HECTD2: variants seen among roughly 807,000 people sequenced by gnomAD.
The protein encoded by HECTD2 is HECT domain E3 ubiquitin protein ligase 2.
Under a neutral mutation model 103.2 loss-of-function variants are expected in HECTD2, and 35 were observed. The observed-to-expected ratio is 0.34, with a 90% confidence interval of 0.26 to 0.45. The LOEUF is 0.45. HECTD2 is among the 20% of genes least tolerant of loss of function. The pLI is 1.00. For synonymous variants in HECTD2, 281 were observed against 329.9 expected, an observed-to-expected ratio of 0.85 and a Z score of 1.61; for missense variants, 596 against 937.4, an observed-to-expected ratio of 0.64 and a Z score of 4.76.
intron 5 of HECTD2, among the ~76,000 whole-genome samples, chr10:91,476,319 A>G (rs1198835441): frequency 6.6e-6 from 1 of 152,192 alleles, no homozygotes. Flanking sequence ...GGTGCATCTG[A>G]GACCTAGAAA....
rs200118662 is a variant in HECTD2 at position 91,501,132 on chromosome 10, A to ACTTT, written c.2067-58_2067-55dup. The stretch of plus-strand genomic sequence containing the variant: ...CTTTCCTTAGAGCTTCCTTTATATT[A>ACTTT]CTTTATTATAGGATTTTTGTCAAGA... On this transcript the variant is annotated intron_variant, in intron 19 of 20. Transcript: ENST00000298068. The ACTTT allele has an allele frequency of 1.9e-3, 2,767 of 1,424,288 alleles. 54 individuals carry two copies. In the African/African-American group the frequency reaches 0.036, roughly 19 times the overall value. 88.2% of individuals were successfully genotyped at this position (1,424,288 alleles called of 1,614,324 possible). A position where few individuals can be genotyped will look rare whatever the true frequency, so the allele number is the denominator to read the frequency against.
chr10:91,457,195 C>G (rs918866817), intron 2 of HECTD2, among the ~76,000 whole-genome samples: 2 of 152,004 alleles, frequency 1.3e-5, no homozygotes, highest in Non-Finnish European at 2.9e-5. Context: ...GGAATATTCA[C>G]GTCCGGATGG....
chr10:91,426,369 T>A (rs755764457), intron 2 of HECTD2, among the ~76,000 whole-genome samples: 1 of 152,034 alleles, frequency 6.6e-6, no homozygotes, highest in Non-Finnish European at 1.5e-5. Flanking sequence ...CCTAGAAATA[T>A]TTAAGGACAT....
intron 1 of HECTD2, among the ~76,000 whole-genome samples, chr10:91,423,895 A>ATT (rs1843454290): frequency 1.3e-5 from 2 of 152,200 alleles, no homozygotes; most frequent in African/African-American, 4.8e-5. Context: ...ATGTAAATAA[A>ATT]TTAGAAGAAT....
chr10:91,471,388 GTC>G (rs1380633034), intron 5 of HECTD2, among the ~76,000 whole-genome samples: 1 of 152,126 alleles, frequency 6.6e-6, no homozygotes, highest in Non-Finnish European at 1.5e-5. Context: ...AAAGCTACAA[GTC>G]TTCCTCTTGA....
chr10:91,445,840 G>A (rs902117875), intron 2 of HECTD2, among the ~76,000 whole-genome samples: 2 of 152,092 alleles, frequency 1.3e-5, no homozygotes, highest in African/African-American at 2.4e-5. Context: ...CCTGAGGAAC[G>A]GTGCACTCCG....
chr10:91,481,128 A>G lies in HECTD2; in HGVS notation c.700A>G (p.Ile234Val), dbSNP rs771097061. Residue 234 changes from isoleucine to valine, a missense_variant, in exon 7 of 21, where the codon ATA becomes GTA. This residue lies in a region of HECTD2 where 303 missense variants were observed against 522.5 expected (regional missense o/e 0.58). Coordinates refer to ENST00000298068, the MANE Select transcript of HECTD2 (RefSeq NM_182765.6). ...AAAAGATGATCTTAGAGCATATTTT[A>G]TACTTTTACAGGTAAGAGAACCAGA... ...RTKDDLRAYF[I>V]LLQNPQFNNT... 5.2e-5 allele frequency: 80 copies of G among 1,529,466 alleles called. No individual in the cohort carries two copies. The Middle Eastern group carries it at 8.5e-4, about 16-fold the overall frequency. 94.7% of individuals were successfully genotyped at this position (1,529,466 alleles called of 1,614,324 possible).
At chr10:91,431,934 G>T (rs770770431) in intron 2 of HECTD2, among the ~76,000 whole-genome samples, 1 of 151,736 alleles carries the variant, frequency 6.6e-6, no homozygotes, top group East Asian at 1.9e-4. Flanking sequence ...GAACTGCGAA[G>T]TTGGGGTATT....
Position 91,410,581 on chromosome 10 carries a change from G to A in HECTD2, c.138+5G>A. 7.3e-7 allele frequency: 1 copy of A among 1,373,852 alleles called. No homozygotes were observed. The allele number at this position is 1,373,852 out of a possible 1,614,324, so 85.1% of individuals were successfully genotyped here. A position where few individuals can be genotyped will look rare whatever the true frequency, so the allele number is the denominator to read the frequency against. The stretch of plus-strand genomic sequence containing the variant: ...GCGGGCGCCGGCGCGACCGCGGTAG[G>A]TGGTGGGCCGGGGCCGTCTGGCGCC... On this transcript the variant is annotated splice_donor_5th_base_variant and intron_variant, in intron 1 of 20. Coordinates refer to ENST00000298068, the MANE Select transcript of HECTD2 (RefSeq NM_182765.6).
At chr10:91,430,334 G>C (rs1210775431) in intron 2 of HECTD2, among the ~76,000 whole-genome samples, 1 of 152,128 alleles carries the variant, frequency 6.6e-6, no homozygotes, top group Non-Finnish European at 1.5e-5. Flanking sequence ...GTGGTGTGGT[G>C]CTGAAAAAAA....
intron 1 of HECTD2, among the ~76,000 whole-genome samples, chr10:91,412,406 G>T (rs1842948353): frequency 6.6e-6 from 1 of 151,484 alleles, no homozygotes; most frequent in Admixed American, 6.6e-5. Flanking sequence ...CTTTGAAAAG[G>T]TATGAGTTGG....
intron 1 of HECTD2, among the ~76,000 whole-genome samples, chr10:91,411,186 T>G (rs1217623866): frequency 6.6e-6 from 1 of 152,196 alleles, no homozygotes; most frequent in Non-Finnish European, 1.5e-5. Context: ...AAACCCAAGT[T>G]ATCTAAGCTT....
At chr10:91,493,959 TGAATG>T (rs1846570082) in intron 14 of HECTD2, among the ~76,000 whole-genome samples, 1 of 152,030 alleles carries the variant, frequency 6.6e-6, no homozygotes, top group Admixed American at 6.6e-5. Context: ...CCATAAAAAT[TGAATG>T]GAATGGGAAT....
chr10:91,506,961 T>C (rs1208279416), intron 20 of HECTD2, among the ~76,000 whole-genome samples: 16 of 151,274 alleles, frequency 1.1e-4, no homozygotes, highest in Non-Finnish European at 2.1e-4. Context: ...GATGCAAGGC[T>C]GGTTCAATAT....
chr10:91,429,339 C>T (rs1312178484), intron 2 of HECTD2, among the ~76,000 whole-genome samples: 1 of 152,014 alleles, frequency 6.6e-6, no homozygotes, highest in Non-Finnish European at 1.5e-5. Flanking sequence ...CTAAAATTCT[C>T]CTTTTTGGTT....
At chr10:91,464,058 T>C (rs910028233) in intron 5 of HECTD2, among the ~76,000 whole-genome samples, 2 of 152,214 alleles carry the variant, frequency 1.3e-5, no homozygotes, top group Non-Finnish European at 2.9e-5. Flanking sequence ...GGATCCAGGC[T>C]GAGTCTTATG....
At chr10:91,423,684 A>G (rs1843442881) in intron 1 of HECTD2, among the ~76,000 whole-genome samples, 1 of 152,064 alleles carries the variant, frequency 6.6e-6, no homozygotes, top group Admixed American at 6.6e-5. Flanking sequence ...CTAAAAGTCT[A>G]TTAATTCTAG....
At chr10:91,422,994 C>A (rs530315620) in intron 1 of HECTD2, among the ~76,000 whole-genome samples, 3 of 152,130 alleles carry the variant, frequency 2.0e-5, no homozygotes, top group African/African-American at 7.2e-5. Flanking sequence ...CCCTAAAGTA[C>A]ACTTAGTTGT....
At chr10:91,509,536 C>G (rs1004427729) in intron 20 of HECTD2, among the ~76,000 whole-genome samples, 3 of 152,008 alleles carry the variant, frequency 2.0e-5, no homozygotes, top group African/African-American at 7.3e-5. Flanking sequence ...CAGCACTATT[C>G]ACAATAGCAA....
Sources: gnomAD v4.1 joint callset for allele counts (sites outside exome capture counted in the v4.1 genomes callset) on GRCh38, gnomAD v4.1.1 for gene constraint, gnomAD v4.1.1 regional missense constraint, MANE v1.5 for transcripts, NCBI Gene and HGNC (gene_info 2026-07-23, HGNC 2026-07-21) for gene names.